ZNF385B: variants seen among roughly 807,000 people sequenced by gnomAD.
ZNF385B encodes the protein zinc finger protein 385B.
In ZNF385B, 23 loss-of-function variants were observed where a neutral mutation model predicts 39.2. The observed-to-expected ratio is 0.59, with a 90% CI of 0.42 to 0.83. The LOEUF (loss-of-function observed/expected upper bound fraction) is 0.83. Among genes scored for constraint, ZNF385B ranks in the 40% least tolerant of loss-of-function variants. ZNF385B has a pLI of 0.00. For synonymous variants in ZNF385B, 205 were observed against 222.6 expected, an observed-to-expected ratio of 0.92 and a Z score of 0.70; for missense variants, 552 against 598.9, an observed-to-expected ratio of 0.92 and a Z score of 0.82.
At chr2:179,803,835 G>C (rs1004575847) in intron 1 of ZNF385B, among the ~76,000 whole-genome samples, 4 of 152,096 alleles carry the variant, frequency 2.6e-5, no homozygotes, top group Non-Finnish European at 4.4e-5. Flanking sequence ...ACTTAGTTGG[G>C]ATCTTTCGAT....
rs74929478 is a variant in ZNF385B at position 179,499,611 on chromosome 2, C to G, written c.553-16177G>C. 4.0e-3 allele frequency among the ~76,000 whole-genome samples: 610 copies of G among 151,972 alleles called. 25 individuals are homozygous for G. The East Asian group carries it at 0.089, about 22-fold the overall frequency. ...TCAACATCCCTTCATGATAAAAACC[C>G]TAAGAAAACAGAGGATAGAAGGAAC... On this transcript the variant is annotated intron_variant, in intron 5 of 9. Transcript: ENST00000410066.
At chr2:179,746,365 G>A (rs1214331256) in intron 3 of ZNF385B, among the ~76,000 whole-genome samples, 1 of 152,118 alleles carries the variant, frequency 6.6e-6, no homozygotes, top group Non-Finnish European at 1.5e-5. Flanking sequence ...ATAGACAAAT[G>A]AAATCACTGG....
chr2:179,628,438 T>C (rs868174265), intron 3 of ZNF385B, among the ~76,000 whole-genome samples: 1 of 152,350 alleles, frequency 6.6e-6, no homozygotes, highest in South Asian at 2.1e-4. Flanking sequence ...GTTTCCATGG[T>C]GTCATGTGAC....
intron 5 of ZNF385B, among the ~76,000 whole-genome samples, chr2:179,503,222 T>G (rs973789553): frequency 2.0e-5 from 3 of 152,180 alleles, no homozygotes; most frequent in African/African-American, 4.8e-5. Context: ...TTAGTGCCCT[T>G]AAGTGCTTAA....
chr2:179,542,387 T>C (rs1327763154), intron 4 of ZNF385B, among the ~76,000 whole-genome samples: 1 of 152,182 alleles, frequency 6.6e-6, no homozygotes, highest in Non-Finnish European at 1.5e-5. Context: ...TTTCATGTAG[T>C]TCTTTGTGGT....
intron 3 of ZNF385B, among the ~76,000 whole-genome samples, chr2:179,643,050 G>A (rs1259823014): frequency 2.0e-5 from 3 of 151,760 alleles, no homozygotes; most frequent in Non-Finnish European, 4.4e-5. Flanking sequence ...ACAAGCTATG[G>A]TTATTAAGAT....
chr2:179,647,153 T>C (rs1490805765), intron 3 of ZNF385B, among the ~76,000 whole-genome samples: 2 of 152,194 alleles, frequency 1.3e-5, no homozygotes, highest in East Asian at 1.9e-4. Flanking sequence ...ATTCCCCAGA[T>C]ACAATTGCCT....
intron 3 of ZNF385B, among the ~76,000 whole-genome samples, chr2:179,676,425 C>T (rs1461943238): frequency 1.3e-5 from 2 of 151,966 alleles, no homozygotes; most frequent in African/African-American, 2.4e-5. Flanking sequence ...GGGGTTTCAC[C>T]GTGTTAGCCA....
chr2:179,745,743 C>T, intron 3 of ZNF385B: 4 of 1,542,946 alleles, frequency 2.6e-6, no homozygotes, highest in Non-Finnish European at 3.5e-6. Context: ...CACATCCTGG[C>T]AGGGCTCTCA....
At chr2:179,494,949 A>T (rs1184183506) in intron 5 of ZNF385B, among the ~76,000 whole-genome samples, 1 of 152,142 alleles carries the variant, frequency 6.6e-6, no homozygotes, top group Non-Finnish European at 1.5e-5. Flanking sequence ...TGGTAGCTAC[A>T]GGGCAAAATT....
intron 3 of ZNF385B, among the ~76,000 whole-genome samples, chr2:179,599,615 A>T (rs1254835967): frequency 1.3e-5 from 2 of 152,208 alleles, no homozygotes; most frequent in East Asian, 1.9e-4. Flanking sequence ...TTCCATGTCG[A>T]TACAGTGTTT....
At chr2:179,562,927 A>C (rs1410766794) in intron 3 of ZNF385B, among the ~76,000 whole-genome samples, 1 of 152,190 alleles carries the variant, frequency 6.6e-6, no homozygotes, top group Non-Finnish European at 1.5e-5. Context: ...TCAAAGAGAA[A>C]TGTGTTCTCA....
rs188577741 is a variant in ZNF385B at position 179,782,466 on chromosome 2, A to T, written c.-154-11794T>A. Among the ~76,000 whole-genome samples, 42 of 152,272 alleles carry T rather than the reference A, an allele frequency of 2.8e-4. 1 individual carries two copies. The East Asian group carries it at 7.3e-3, about 27-fold the overall frequency. ...TCTCACCGTTTCTATTCAACATAGT[A>T]TTGGAAGTCCTAGCCAGAGCAATCA... On this transcript the variant is annotated intron_variant, in intron 1 of 9. Transcript: ENST00000410066.
At chr2:179,570,183 C>A (rs963871357) in intron 3 of ZNF385B, among the ~76,000 whole-genome samples, 7 of 152,134 alleles carry the variant, frequency 4.6e-5, no homozygotes, top group Admixed American at 4.6e-4. Context: ...CAGCTCTCTG[C>A]TGCCCTGACC....
At chr2:179,463,041 CAGAAG>C (rs1312772428) in intron 6 of ZNF385B, among the ~76,000 whole-genome samples, 4 of 151,964 alleles carry the variant, frequency 2.6e-5, no homozygotes, top group Admixed American at 2.6e-4. Flanking sequence ...ATATATACCT[CAGAAG>C]AGGTCAATAA....
chr2:179,769,369 G>T, intron 3 of ZNF385B, 134 bp downstream of exon 3: 2 of 1,354,270 alleles, frequency 1.5e-6, no homozygotes, highest in East Asian at 2.4e-5. Flanking sequence ...TATTTTACCT[G>T]TAGGAGAAAG....
chr2:179,643,861 T>C (rs1006859184), intron 3 of ZNF385B, among the ~76,000 whole-genome samples: 4 of 152,186 alleles, frequency 2.6e-5, no homozygotes, highest in Admixed American at 6.5e-5. Context: ...GTTCATTTTA[T>C]TGTTTATTAA....
chr2:179,606,378 C>A (rs543408779), intron 3 of ZNF385B, among the ~76,000 whole-genome samples: 1 of 152,260 alleles, frequency 6.6e-6, no homozygotes, highest in East Asian at 1.9e-4. Context: ...TTCACAAGTA[C>A]AAGGAAGTTA....
intron 4 of ZNF385B, among the ~76,000 whole-genome samples, chr2:179,524,551 C>CAAAAAAAAAAAAAAAA (rs770219234): frequency 9.8e-5 from 6 of 60,990 alleles, no homozygotes; most frequent in African/African-American, 2.3e-4. Flanking sequence ...GACTCCGTCT[C>CAAAAAAAAAAAAAAAA]AAAAAAAAAA....
Sources: gnomAD v4.1 joint callset for allele counts (sites outside exome capture counted in the v4.1 genomes callset) on GRCh38, gnomAD v4.1.1 for gene constraint, MANE v1.5 for transcripts, NCBI Gene and HGNC (gene_info 2026-07-23, HGNC 2026-07-21) for gene names.